Variants in GOLM1 observed in about 807,000 individuals in gnomAD.
The protein encoded by GOLM1 is epididymis luminal protein 46.
Under a neutral mutation model 50.5 loss-of-function variants are expected in GOLM1, and 31 were observed. That is an observed-to-expected ratio of 0.61 (90% CI 0.46 to 0.83). The LOEUF (loss-of-function observed/expected upper bound fraction) is 0.83. Ranked by LOEUF, GOLM1 falls within the 40% of genes least tolerant of loss-of-function variation. The probability of loss-of-function intolerance (pLI) is 0.00; values close to 1 mark genes in which losing one functional copy is unlikely to be tolerated. For missense variants in GOLM1, 491 were observed against 501.3 expected (o/e 0.98, Z 0.20); for synonymous variants, 178 against 192.8 (o/e 0.92, Z 0.64).
chr9:86,077,444 C>T lies in GOLM1; in HGVS notation c.277G>A (p.Glu93Lys). ...KIQSSHNFQL[E>K]SVNKLYQDEK... The stretch of plus-strand genomic sequence containing the variant: ...TCCTGGTACAGCTTGTTGACGCTCT[C>T]CAGCTGGAAGTTGTGGCTGGACTGG... Residue 93 changes from glutamate (E) to lysine (K), a missense_variant, in exon 3 of 10, where the codon GAG becomes AAG. Coordinates refer to ENST00000388712, the MANE Select transcript of GOLM1 (RefSeq NM_016548.4). The T allele has an allele frequency of 6.2e-7, 1 of 1,614,212 alleles. No homozygotes were observed.
intron 6 of GOLM1, chr9:86,036,908 A>G (rs753421670): frequency 5.6e-5 from 10 of 177,344 alleles, no homozygotes; most frequent in Non-Finnish European, 9.3e-5. Flanking sequence ...CACACACACA[A>G]TATTTTCCAG....
At chr9:86,052,215 A>T (rs1438432166) in intron 4 of GOLM1, among the ~76,000 whole-genome samples, 1 of 152,226 alleles carries the variant, frequency 6.6e-6, no homozygotes, top group Non-Finnish European at 1.5e-5. Flanking sequence ...GCATGACCAA[A>T]TTAACAGGTC....
chr9:86,028,842 CTTTTTTTTT>C (rs35054627), intron 9 of GOLM1, among the ~76,000 whole-genome samples: 1 of 106,820 alleles, frequency 9.4e-6, no homozygotes, highest in South Asian at 3.0e-4. Context: ...GATAAGGGAA[CTTTTTTTTT>C]TTTTTTTTTT....
At chr9:86,052,776 A>C (rs1191997381) in intron 3 of GOLM1, among the ~76,000 whole-genome samples, 185 bp from the exon 4 acceptor site, 1 of 152,068 alleles carries the variant, frequency 6.6e-6, no homozygotes, top group African/African-American at 2.4e-5. Context: ...GCCGACCTAG[A>C]GATCCGCTCC....
At chr9:86,059,978 G>GA (rs1834111175) in intron 3 of GOLM1, among the ~76,000 whole-genome samples, 1 of 140,180 alleles carries the variant, frequency 7.1e-6, no homozygotes. Flanking sequence ...CCAAACCACT[G>GA]AGATGTATGA....
chr9:86,092,693 G>A (rs1236459298), intron 1 of GOLM1, among the ~76,000 whole-genome samples: 1 of 152,204 alleles, frequency 6.6e-6, no homozygotes, highest in Non-Finnish European at 1.5e-5. Context: ...AGGCCTGCAA[G>A]GTGCCTCCTC....
Position 86,077,439 on chromosome 9 carries a change from G to C in GOLM1, c.282C>G (p.Ser94Arg). The C allele has an allele frequency of 1.9e-6, 3 of 1,614,066 alleles. No homozygotes were observed. The highest frequency in any genetic ancestry group is 2.5e-6 in the Non-Finnish European group (3 of 1,179,908). Residue 94 changes from serine (S) to arginine (R), a missense_variant, in exon 3 of 10, where the codon AGC (serine) becomes AGG (arginine). By Grantham distance (110) the Ser-to-Arg change is moderately radical. Transcript: ENST00000388712. ...IQSSHNFQLE[S>R]VNKLYQDEKA... ...TTTCGTCCTGGTACAGCTTGTTGAC[G>C]CTCTCCAGCTGGAAGTTGTGGCTGG...
At chr9:86,065,798 T>C (rs1171546888) in intron 3 of GOLM1, among the ~76,000 whole-genome samples, 2 of 152,134 alleles carry the variant, frequency 1.3e-5, no homozygotes, top group Non-Finnish European at 2.9e-5. Flanking sequence ...CCCCAGCACT[T>C]TGGGAGGCTG....
intron 1 of GOLM1, among the ~76,000 whole-genome samples, chr9:86,096,186 TTTTTTTTGGTTTGG>T: frequency 6.6e-6 from 1 of 152,058 alleles, no homozygotes; most frequent in Non-Finnish European, 1.5e-5. Context: ...GGTTTTTTTT[TTTTTTTTGGTTTGG>T]AAATAAAAGG....
At chr9:86,081,227 G>A (rs1053356883) in intron 1 of GOLM1, among the ~76,000 whole-genome samples, 2 of 142,062 alleles carry the variant, frequency 1.4e-5, no homozygotes, top group African/African-American at 2.6e-5. Flanking sequence ...ACGGAGTTTC[G>A]CTCTTGTTTT....
At chr9:86,079,632 T>G in intron 1 of GOLM1, 4 of 270,292 alleles carry the variant, frequency 1.5e-5, no homozygotes, top group East Asian at 6.9e-5. Context: ...CAAGACATGA[T>G]TCCTCTTACA....
chr9:86,049,984 TATG>T (rs1224354197), intron 4 of GOLM1, among the ~76,000 whole-genome samples: 1 of 152,222 alleles, frequency 6.6e-6, no homozygotes, highest in Admixed American at 6.5e-5. Context: ...GCCCATTCAG[TATG>T]ATAATGGCTG....
intron 4 of GOLM1, among the ~76,000 whole-genome samples, chr9:86,051,970 C>A (rs1244197183): frequency 6.6e-6 from 1 of 152,046 alleles, no homozygotes; most frequent in Admixed American, 6.6e-5. Context: ...AATTATTCAA[C>A]CCAACAGATG....
intron 6 of GOLM1, among the ~76,000 whole-genome samples, chr9:86,039,184 CAT>C (rs1462197770): frequency 3.3e-5 from 5 of 152,086 alleles, no homozygotes; most frequent in Non-Finnish European, 5.9e-5. Context: ...GCCAATGAAA[CAT>C]GTGAAAAGAT....
intron 4 of GOLM1, among the ~76,000 whole-genome samples, chr9:86,050,416 G>C (rs1028429615): frequency 7.9e-5 from 12 of 152,132 alleles, no homozygotes; most frequent in African/African-American, 2.7e-4. Flanking sequence ...TTTTTCTATT[G>C]ATTAGAATAG....
chr9:86,076,419 C>T (rs1400053400), intron 3 of GOLM1, among the ~76,000 whole-genome samples: 1 of 34,352 alleles, frequency 2.9e-5, no homozygotes, highest in African/African-American at 1.2e-4. Flanking sequence ...GAAACCCCAT[C>T]TCAAAAAAAA....
In GOLM1 at chr9:86,070,503, G is replaced by A. The variant is rs142958382; in HGVS notation, c.309+6909C>T. Among the ~76,000 whole-genome samples the A allele has an allele frequency of 4.4e-3, 666 of 151,896 alleles. 10 individuals carry two copies. The highest frequency in any genetic ancestry group is 0.015 in the African/African-American group (638 of 41,426). On this transcript the variant is annotated intron_variant, in intron 3 of 9. Transcript: ENST00000388712. ...AAATAACTGCTTGAACCCAGGAGGC[G>A]GAGGTTGCAGTGAGCTGAGATCATG...
chr9:86,037,491 A>G (rs935828715), intron 6 of GOLM1, among the ~76,000 whole-genome samples: 1 of 152,082 alleles, frequency 6.6e-6, no homozygotes, highest in Non-Finnish European at 1.5e-5. Context: ...AAAACACAGC[A>G]TACCAAAACT....
At chr9:86,066,854 G>A (rs1422222311) in intron 3 of GOLM1, among the ~76,000 whole-genome samples, 2 of 152,126 alleles carry the variant, frequency 1.3e-5, no homozygotes, top group Non-Finnish European at 2.9e-5. Flanking sequence ...CCAAGCCTTT[G>A]TGGCCACTAC....
Sources: gnomAD v4.1 joint callset for allele counts (sites outside exome capture counted in the v4.1 genomes callset) on GRCh38, gnomAD v4.1.1 for gene constraint, MANE v1.5 for transcripts, NCBI Gene and HGNC (gene_info 2026-07-23, HGNC 2026-07-21) for gene names.